XKR9: variants seen among roughly 807,000 people sequenced by gnomAD.
XKR9 encodes the protein XK related 9, also known as XK-related protein 9.
Under a neutral mutation model 32.0 loss-of-function variants are expected in XKR9, and 32 were observed. That is an observed-to-expected ratio of 1.00 (90% CI 0.76 to 1.34). XKR9 has a LOEUF of 1.34. Ranked by LOEUF, XKR9 falls within the 40% of genes most tolerant of loss-of-function variation. The pLI is 0.00. For missense variants in XKR9, 546 were observed against 429.7 expected, an observed-to-expected ratio of 1.27 and a Z score of -2.39; for synonymous variants, 168 against 143.4, an observed-to-expected ratio of 1.17 and a Z score of -1.22.
the XKR9 span, among the ~76,000 whole-genome samples, chr8:70,908,969 T>C: frequency 6.6e-6 from 1 of 152,238 alleles, no homozygotes; most frequent in Admixed American, 6.5e-5. Flanking sequence ...CTGTATGTTG[T>C]GCAGGCAGGC....
chr8:71,021,568 T>C, the XKR9 span, among the ~76,000 whole-genome samples: 2 of 147,922 alleles, frequency 1.4e-5, no homozygotes, highest in Non-Finnish European at 3.0e-5. Flanking sequence ...AGTGGCGCGA[T>C]CTCGACTCAC....
chr8:71,045,763 C>A, the XKR9 span, among the ~76,000 whole-genome samples: 3 of 152,194 alleles, frequency 2.0e-5, no homozygotes, highest in African/African-American at 7.2e-5. Context: ...ACGCTTGAGA[C>A]TGTGACAATT....
chr8:70,894,679 C>T, the XKR9 span, among the ~76,000 whole-genome samples: 2 of 152,156 alleles, frequency 1.3e-5, no homozygotes, highest in African/African-American at 4.8e-5. Context: ...GGCACCATTT[C>T]TTAGGATGCA....
intron 4 of XKR9, among the ~76,000 whole-genome samples, chr8:70,715,599 A>C (rs2132201336): frequency 6.6e-6 from 1 of 152,298 alleles, no homozygotes; most frequent in Middle Eastern, 3.4e-3. Context: ...AAAACAGGGC[A>C]TATAATTAAA....
chr8:70,683,583 G>A (rs192841081), intron 3 of XKR9: 1 of 447,420 alleles, frequency 2.2e-6, no homozygotes, highest in African/African-American at 2.0e-5. Flanking sequence ...CACCTCCTTG[G>A]TTCAAGAGAT....
At chr8:70,804,595 T>C in the XKR9 span, among the ~76,000 whole-genome samples, 3 of 152,044 alleles carry the variant, frequency 2.0e-5, no homozygotes, top group Admixed American at 1.3e-4. Context: ...TAAAGGCAGG[T>C]GGTAAGTGTG....
intron 4 of XKR9, among the ~76,000 whole-genome samples, chr8:70,728,470 T>C (rs1177015256): frequency 6.6e-6 from 1 of 152,156 alleles, no homozygotes; most frequent in African/African-American, 2.4e-5. Context: ...TCATTTATAG[T>C]TTTAGTACAG....
chr8:70,959,493 T>A, the XKR9 span, among the ~76,000 whole-genome samples: 1 of 152,212 alleles, frequency 6.6e-6, no homozygotes. Context: ...TTTTGGTTAG[T>A]TTGTTTGTAA....
intron 2 of XKR9, among the ~76,000 whole-genome samples, chr8:70,757,571 GTATGTATGTA>G (rs2130198857): frequency 6.6e-6 from 1 of 151,892 alleles, no homozygotes; most frequent in South Asian, 2.1e-4. Flanking sequence ...ATGTATGTAT[GTATGTATGTA>G]TGTATGCATG....
chr8:70,686,887 A>G (rs1586814023), intron 3 of XKR9, among the ~76,000 whole-genome samples: 1 of 152,146 alleles, frequency 6.6e-6, no homozygotes, highest in South Asian at 2.1e-4. Context: ...ATAGACATAT[A>G]TAATGTATGA....
the XKR9 span, among the ~76,000 whole-genome samples, chr8:70,986,027 C>G: frequency 6.6e-5 from 10 of 152,018 alleles, no homozygotes; most frequent in Admixed American, 1.3e-4. Context: ...TATCAGGAAA[C>G]AAACAAAATT....
chr8:70,871,309 G>A, the XKR9 span, among the ~76,000 whole-genome samples: 87 of 152,116 alleles, frequency 5.7e-4, no homozygotes, highest in Admixed American at 2.0e-4. Context: ...TTCAGGAACA[G>A]CTTGTTTTAT....
the XKR9 span, among the ~76,000 whole-genome samples, chr8:70,843,087 T>A: frequency 6.6e-6 from 1 of 152,234 alleles, no homozygotes; most frequent in Non-Finnish European, 1.5e-5. Context: ...AGTTTCATGT[T>A]AAAATCTACC....
At chr8:70,930,851 T>C in the XKR9 span, among the ~76,000 whole-genome samples, 1,480 of 152,246 alleles carry the variant, frequency 9.7e-3, 23 homozygotes, top group African/African-American at 0.034. Flanking sequence ...ATGGGAGGAA[T>C]TGATGGTTGG....
the XKR9 span, among the ~76,000 whole-genome samples, chr8:70,993,661 C>A: frequency 2.7e-5 from 4 of 150,164 alleles, no homozygotes; most frequent in South Asian, 2.1e-4. Flanking sequence ...TTCCTTCCTT[C>A]CTTCCTTCCT....
chr8:70,707,761 C>A (rs2132179515), intron 4 of XKR9, among the ~76,000 whole-genome samples: 1 of 152,036 alleles, frequency 6.6e-6, no homozygotes, highest in South Asian at 2.1e-4. Context: ...GAATGTTTTG[C>A]AAGTTGGCCA....
chr8:71,051,089 G>A, the XKR9 span, among the ~76,000 whole-genome samples: 1 of 151,764 alleles, frequency 6.6e-6, no homozygotes. Flanking sequence ...ACTAGGTCAA[G>A]AAATGACCCC....
chr8:71,042,311 T>C, the XKR9 span, among the ~76,000 whole-genome samples: 2 of 152,052 alleles, frequency 1.3e-5, no homozygotes, highest in Admixed American at 6.5e-5. Flanking sequence ...GAAGGAACAG[T>C]TGCCAGGGCC....
At chr8:70,912,003 G>T in the XKR9 span, among the ~76,000 whole-genome samples, 1 of 152,172 alleles carries the variant, frequency 6.6e-6, no homozygotes, top group Non-Finnish European at 1.5e-5. Flanking sequence ...ACACCTGAAA[G>T]ATGGATATGA....
Sources: allele counts gnomAD v4.1 joint callset (sites outside exome capture counted in the v4.1 genomes callset), GRCh38; gene constraint gnomAD v4.1.1; transcripts MANE v1.5; gene names NCBI Gene and HGNC (gene_info 2026-07-23, HGNC 2026-07-21).